Variants in MEF2B observed in about 807,000 individuals in gnomAD.
The protein encoded by MEF2B is myocyte-specific enhancer factor 2B.
A neutral mutation model predicts 32.2 loss-of-function variants in MEF2B; 15 were observed. The observed-to-expected ratio is 0.47, with a 90% CI of 0.31 to 0.72. The LOEUF (loss-of-function observed/expected upper bound fraction) is 0.72, where lower values mean the gene tolerates loss of function less well. MEF2B is among the 30% of genes least tolerant of loss of function. The pLI is 0.05. For missense variants in MEF2B, 441 were observed against 511.5 expected, an observed-to-expected ratio of 0.86 and a Z score of 1.33; for synonymous variants, 205 against 225.6, an observed-to-expected ratio of 0.91 and a Z score of 0.82.
intron 3 of MEF2B, among the ~76,000 whole-genome samples, chr19:19,148,583 A>C (rs2060046791): frequency 6.6e-6 from 1 of 151,822 alleles, no homozygotes; most frequent in Non-Finnish European, 1.5e-5. Context: ...TCTGCCCCAC[A>C]CTTCCAAAAC....
chr19:19,154,633 AG>A (rs777349585), intron 1 of MEF2B, among the ~76,000 whole-genome samples: 54 of 151,916 alleles, frequency 3.6e-4, no homozygotes, highest in Non-Finnish European at 6.6e-4. Context: ...TAGTAGAGAC[AG>A]GGTTTTGCCA....
chr19:19,149,504 G>C, intron 2 of MEF2B, 75 bp from the exon 3 acceptor site: 1 of 1,577,696 alleles, frequency 6.3e-7, no homozygotes, highest in Non-Finnish European at 8.7e-7. Flanking sequence ...GGAATTGGCA[G>C]GGCCTAACCC....
At chr19:19,155,151 T>C (rs939635941) in intron 1 of MEF2B, among the ~76,000 whole-genome samples, 23 of 152,134 alleles carry the variant, frequency 1.5e-4, no homozygotes, top group Admixed American at 4.6e-4. Flanking sequence ...TCATACACTC[T>C]CCATGGCTCC....
chr19:19,150,748 AGT>A lies in MEF2B; in HGVS notation c.-15_-14del. On this transcript the variant is annotated 5_prime_UTR_variant, in exon 2 of 9. Coordinates refer to ENST00000424583, the MANE Select transcript of MEF2B (RefSeq NM_001145785.2). ...TTTTCCTCCCCATCGTCCCAGGCTGAGTGGAATGATCTTTGTCTAGGAGGAGA... is the reference window on the plus strand; with the variant it reads ...TTTTCCTCCCCATCGTCCCAGGCTGAGGAATGATCTTTGTCTAGGAGGAGA... 6.2e-7 allele frequency: 1 copy of A among 1,614,000 alleles called. No homozygotes were observed. The highest frequency in any genetic ancestry group is 8.5e-7 in the Non-Finnish European group (1 of 1,180,004).
chr19:19,151,280 G>A (rs567978752), intron 1 of MEF2B, among the ~76,000 whole-genome samples: 35 of 152,030 alleles, frequency 2.3e-4, no homozygotes, highest in African/African-American at 8.2e-4. Context: ...TAATAGAAAC[G>A]CCTCCTGCTC....
chr19:19,169,551 G>C (rs1263408235), intron 1 of MEF2B, among the ~76,000 whole-genome samples: 1 of 152,076 alleles, frequency 6.6e-6, no homozygotes, highest in Non-Finnish European at 1.5e-5. Flanking sequence ...GGGTGGCCAA[G>C]GACACAGGTC....
rs1009110063 is a variant in MEF2B, at chr19:19,161,170, G to A, written c.-30+9035C>T. On this transcript the variant is annotated intron_variant, in intron 1 of 8. Transcript: ENST00000424583. ...ACAGATGCGGGGAGGATTTGTGGTC[G>A]ATGGGTCCTGATGCCTCTCAGAAGG... 8.5e-5 allele frequency among the ~76,000 whole-genome samples: 13 copies of A among 152,126 alleles called. 1 individual carries two copies. The highest frequency in any genetic ancestry group is 6.5e-4 in the Admixed American group (10 of 15,276).
intron 7 of MEF2B, 61 bp downstream of exon 7, chr19:19,146,494 C>A: frequency 2.8e-6 from 4 of 1,445,880 alleles, no homozygotes; most frequent in East Asian, 2.5e-5. Flanking sequence ...GGGTGTGGAA[C>A]CCCCAGAGGG....
chr19:19,158,238 C>G (rs1209518723), intron 1 of MEF2B, among the ~76,000 whole-genome samples: 1 of 151,592 alleles, frequency 6.6e-6, no homozygotes, highest in Non-Finnish European at 1.5e-5. Context: ...CAGGTGCCTG[C>G]CACTGTGCCC....
chr19:19,147,615 C>A, intron 4 of MEF2B, 83 bp downstream of exon 4: 4 of 1,561,356 alleles, frequency 2.6e-6, no homozygotes, highest in Non-Finnish European at 3.5e-6. Context: ...TGGCTCTAAG[C>A]CCCTCTCTCA....
chr19:19,146,898 G>C lies in MEF2B; in HGVS notation c.542-23C>G, dbSNP rs367609960. The C allele has an allele frequency of 6.0e-4, 967 of 1,604,824 alleles. 2 individuals carry two copies. Among genetic ancestry groups the C allele is most frequent in the Non-Finnish European group, 7.1e-4 (839 of 1,175,286 alleles). On this transcript the variant is annotated intron_variant, in intron 5 of 8. Transcript: ENST00000424583. ...GGCCTGGGGAAGAGGAGACCCCAGA[G>C]AGAGAGGACAGGCAGGCCATGTCAA...
chr19:19,157,997 G>A (rs1040052113), intron 1 of MEF2B, among the ~76,000 whole-genome samples: 1 of 152,208 alleles, frequency 6.6e-6, no homozygotes, highest in Non-Finnish European at 1.5e-5. Flanking sequence ...CAAGGTTTGG[G>A]TACACAGATA....
At chr19:19,161,283 G>T (rs575866662) in intron 1 of MEF2B, among the ~76,000 whole-genome samples, 3 of 151,988 alleles carry the variant, frequency 2.0e-5, no homozygotes, top group Non-Finnish European at 2.9e-5. Flanking sequence ...GGACAGGGGC[G>T]GATGGGGTTG....
At chr19:19,150,523 CAAAAAAA>C (rs67741867) in intron 2 of MEF2B, among the ~76,000 whole-genome samples, 152 bp downstream of exon 2, 2 of 103,404 alleles carry the variant, frequency 1.9e-5, no homozygotes, top group African/African-American at 3.7e-5. Context: ...GACTTCATCT[CAAAAAAA>C]AAAAAAAAAA....
chr19:19,151,983 G>A (rs1401141796), intron 1 of MEF2B, among the ~76,000 whole-genome samples: 33 of 129,616 alleles, frequency 2.5e-4, no homozygotes, highest in Admixed American at 7.0e-4. Flanking sequence ...TTTTTGAGAC[G>A]AGTTTTCACT....
chr19:19,146,983 G>A (rs2146351535), intron 5 of MEF2B, 53 bp downstream of exon 5: 1 of 1,563,092 alleles, frequency 6.4e-7, no homozygotes, highest in Non-Finnish European at 8.7e-7. Flanking sequence ...GAGCCAAGAT[G>A]CACCCAAACA....
chr19:19,146,293 G>A lies in MEF2B; in HGVS notation c.861C>T (p.Pro287=). 7.5e-7 allele frequency: 1 copy of A among 1,332,258 alleles called. No individual in the cohort carries two copies. Among genetic ancestry groups the A allele is most frequent in the Non-Finnish European group, 9.7e-7 (1 of 1,033,122 alleles). The allele number at this position is 1,332,258 out of a possible 1,614,324, so 82.5% of individuals were successfully genotyped here. Residue 287 remains proline (P), a synonymous_variant, in exon 8 of 9, where the codon CCC becomes CCT. Transcript: ENST00000424583. ...PWQPSRGDGP[P]AVSSQPSGGR... ...CTTACCTGGGCTGGGAGGACACGGC[G>A]GGGGGCCCATCACCCCTCGAGGGCT...
At chr19:19,147,889 C>T in intron 3 of MEF2B, 57 bp from the exon 4 acceptor site, 1 of 1,572,996 alleles carries the variant, frequency 6.4e-7, no homozygotes. Flanking sequence ...CCAGGGAACC[C>T]AGTTCTATGG....
chr19:19,158,595 GAA>G (rs112542162), intron 1 of MEF2B, among the ~76,000 whole-genome samples: 10 of 132,296 alleles, frequency 7.6e-5, no homozygotes, highest in Non-Finnish European at 8.1e-5. Context: ...CTGTCTGTAG[GAA>G]AAAAAAAAAA....
Sources: gnomAD v4.1 joint callset for allele counts (sites outside exome capture counted in the v4.1 genomes callset) on GRCh38, gnomAD v4.1.1 for gene constraint, MANE v1.5 for transcripts, NCBI Gene and HGNC (gene_info 2026-07-23, HGNC 2026-07-21) for gene names.